The following TRPC1 variants were observed in gnomAD, a reference collection of about 807,000 sequenced individuals.
The protein encoded by TRPC1 is short transient receptor potential channel 1.
Under a neutral mutation model 88.2 loss-of-function variants are expected in TRPC1, and 42 were observed. That is an observed-to-expected ratio of 0.48 (90% confidence interval 0.37 to 0.62). The LOEUF (loss-of-function observed/expected upper bound fraction) is 0.62, where lower values mean the gene tolerates loss of function less well. Among genes scored for constraint, TRPC1 ranks in the 20% least tolerant of loss-of-function variants. TRPC1 has a pLI of 0.00. For synonymous variants in TRPC1, 288 were observed against 331.8 expected (o/e 0.87, Z 1.43); for missense variants, 699 against 957.3 (o/e 0.73, Z 3.56).
chr3:142,762,821 C>A (rs1935233061), intron 4 of TRPC1, among the ~76,000 whole-genome samples: 1 of 152,062 alleles, frequency 6.6e-6, no homozygotes, highest in South Asian at 2.1e-4. Context: ...TATAACCTTC[C>A]CTCTCAGTAC....
rs543064507 is a variant in TRPC1 at position 142,789,778 on chromosome 3, T to G, written c.1298-1241T>G. On this transcript the variant is annotated intron_variant, in intron 7 of 12. Transcript: ENST00000476941. The stretch of plus-strand genomic sequence containing the variant: ...GAGCTTCTGGCCAAAAAACGGAAAG[T>G]TTTTCTGTTTGTTTGCTTTGGTTTT... Among the ~76,000 whole-genome samples, 195 of 152,264 alleles carry G rather than the reference T, an allele frequency of 1.3e-3. 1 individual carries two copies. Among genetic ancestry groups the G allele is most frequent in the South Asian group, 9.9e-3 (48 of 4,828 alleles).
chr3:142,756,965 T>C (rs1413308338), intron 4 of TRPC1, among the ~76,000 whole-genome samples: 1 of 152,210 alleles, frequency 6.6e-6, no homozygotes, highest in Non-Finnish European at 1.5e-5. Context: ...AGCTACCAAA[T>C]ACATGTGAAA....
chr3:142,733,021 C>A (rs1217090133), intron 1 of TRPC1, among the ~76,000 whole-genome samples: 2 of 150,130 alleles, frequency 1.3e-5, no homozygotes, highest in African/African-American at 4.9e-5. Context: ...ATATAAACTT[C>A]TCTGAAATGC....
chr3:142,728,828 A>T (rs893669886), intron 1 of TRPC1, among the ~76,000 whole-genome samples: 29 of 152,300 alleles, frequency 1.9e-4, no homozygotes, highest in African/African-American at 6.7e-4. Flanking sequence ...GAGATTTTGA[A>T]GTCTGGTATT....
intron 11 of TRPC1, 81 bp from the exon 12 acceptor site, chr3:142,804,355 T>G (rs1243802092): frequency 5.3e-6 from 7 of 1,314,984 alleles, no homozygotes; most frequent in Non-Finnish European, 6.1e-6. Flanking sequence ...AACAAAATTT[T>G]TCTGCAAGGT....
chr3:142,805,909 C>T, intron 12 of TRPC1, 99 bp from the exon 13 acceptor site: 1 of 1,014,642 alleles, frequency 9.9e-7, no homozygotes, highest in South Asian at 1.7e-5. Flanking sequence ...TCTAATAAAG[C>T]ATTTAAAGAT....
chr3:142,726,609 T>G (rs1421319605), intron 1 of TRPC1, among the ~76,000 whole-genome samples: 9 of 152,200 alleles, frequency 5.9e-5, no homozygotes, highest in Admixed American at 5.9e-4. Context: ...GAGTTAGATT[T>G]GGAAAAATAG....
intron 4 of TRPC1, among the ~76,000 whole-genome samples, chr3:142,774,069 A>T (rs1193939693): frequency 6.6e-6 from 1 of 152,100 alleles, no homozygotes; most frequent in Non-Finnish European, 1.5e-5. Context: ...TTTGATTCCT[A>T]AGGACTCTTT....
chr3:142,791,437 G>T (rs1363542603), intron 8 of TRPC1, among the ~76,000 whole-genome samples: 1 of 151,906 alleles, frequency 6.6e-6, no homozygotes, highest in East Asian at 1.9e-4. Flanking sequence ...TGAGACTGAA[G>T]TCCTTATTTC....
At chr3:142,747,695 T>C (rs1326276304) in intron 3 of TRPC1, among the ~76,000 whole-genome samples, 1 of 152,232 alleles carries the variant, frequency 6.6e-6, no homozygotes, top group African/African-American at 2.4e-5. Flanking sequence ...GTTAATTTTT[T>C]GGCGTTTATA....
chr3:142,763,989 T>TATATATATATATATATAC (rs1486429772), intron 4 of TRPC1, among the ~76,000 whole-genome samples: 1 of 65,072 alleles, frequency 1.5e-5, no homozygotes, highest in African/African-American at 1.1e-4. Flanking sequence ...TATATACACA[T>TATATATATATATATATAC]ACATACATAC....
chr3:142,745,083 G>A lies in TRPC1; in HGVS notation c.429+1497G>A, dbSNP rs79394103. On this transcript the variant is annotated intron_variant, in intron 3 of 12. Transcript: ENST00000476941. ...TACAAAAGTGTGACTTTCTCCAGAG[G>A]ATAGTACCATCTAGTTTAAGTGGTG... 4.1e-3 allele frequency among the ~76,000 whole-genome samples: 624 copies of A among 152,328 alleles called. 5 individuals are homozygous for A. Among genetic ancestry groups the A allele is most frequent in the Admixed American group, 6.7e-3 (102 of 15,302 alleles).
chr3:142,725,076 G>T (rs1242235192), intron 1 of TRPC1, among the ~76,000 whole-genome samples: 2 of 152,204 alleles, frequency 1.3e-5, no homozygotes, highest in Non-Finnish European at 2.9e-5. Flanking sequence ...TCTCTGGCTC[G>T]CAGTTCATTC....
rs1935450479 is a variant in TRPC1, at chr3:142,767,850, A to G, written c.633-9782A>G. On this transcript the variant is annotated intron_variant, in intron 4 of 12. Transcript: ENST00000476941. This position sits in a 1 kb window ranked among gnomAD's most constrained non-coding sequence, Gnocchi z 5.1. Reference sequence around the variant, plus strand: ...TCTTTATTAGATATATGTCTGTTCAAATTGTTTTCTTAGTTTTTAATTGGT... The same window carrying G: ...TCTTTATTAGATATATGTCTGTTCAGATTGTTTTCTTAGTTTTTAATTGGT... Among the ~76,000 whole-genome samples the G allele has an allele frequency of 6.6e-6, 1 of 151,524 alleles. No homozygotes were observed. Among genetic ancestry groups the G allele is most frequent in the Non-Finnish European group, 1.5e-5 (1 of 67,852 alleles).
chr3:142,802,017 G>A (rs1936635105), intron 9 of TRPC1, 152 bp from the exon 10 acceptor site: 1 of 437,676 alleles, frequency 2.3e-6, no homozygotes, highest in Middle Eastern at 6.4e-4. Context: ...GATTTTCGAT[G>A]TTTTTAAAAT....
chr3:142,785,358 T>G (rs550000162), intron 7 of TRPC1: 1 of 193,698 alleles, frequency 5.2e-6, no homozygotes, highest in Non-Finnish European at 1.0e-5. Flanking sequence ...GAATGCTTTT[T>G]TGGTGTAAGA....
At chr3:142,744,898 T>C (rs978766118) in intron 3 of TRPC1, among the ~76,000 whole-genome samples, 8 of 152,360 alleles carry the variant, frequency 5.3e-5, no homozygotes, top group African/African-American at 1.9e-4. Flanking sequence ...AAATAACTGC[T>C]GGCAATATAG....
chr3:142,732,581 T>C (rs146623502), intron 1 of TRPC1, among the ~76,000 whole-genome samples: 1 of 152,196 alleles, frequency 6.6e-6, no homozygotes, highest in East Asian at 1.9e-4. Context: ...GGACTGTGGG[T>C]AGCAGTATAC....
At chr3:142,741,307 A>T (rs1934337600) in intron 2 of TRPC1, among the ~76,000 whole-genome samples, 1 of 152,066 alleles carries the variant, frequency 6.6e-6, no homozygotes, top group Non-Finnish European at 1.5e-5. Flanking sequence ...AGAAATTTTA[A>T]TGTAAATGAA....
Sources: gnomAD v4.1 joint callset for allele counts (sites outside exome capture counted in the v4.1 genomes callset) on GRCh38, gnomAD v4.1.1 for gene constraint, Gnocchi (gnomAD v3.1) non-coding constraint, MANE v1.5 for transcripts, NCBI Gene and HGNC (gene_info 2026-07-23, HGNC 2026-07-21) for gene names.